WT1: variants seen among roughly 807,000 people sequenced by gnomAD.
The protein encoded by WT1 is WT1 transcription factor.
WT1 carries 8 observed loss-of-function variants against 60.8 expected under a neutral mutation model. The observed-to-expected ratio is 0.13, with a 90% confidence interval of 0.08 to 0.24. The LOEUF (loss-of-function observed/expected upper bound fraction) is 0.24, where lower values mean the gene tolerates loss of function less well. WT1 is among the 10% of genes least tolerant of loss of function. The pLI, the probability that WT1 is intolerant of heterozygous loss-of-function variation, is 1.00. For missense variants in WT1, 568 were observed against 711.8 expected (o/e 0.80, Z 2.30); for synonymous variants, 312 against 297.1 (o/e 1.05, Z -0.52).
At chr11:32,430,416 G>A (rs1056864677) in intron 1 of WT1, 2 of 1,382,338 alleles carry the variant, frequency 1.4e-6, no homozygotes, top group Non-Finnish European at 2.0e-6. Context: ...GAGAGAGAGA[G>A]AAAGAGAGAC....
chr11:32,409,032 G>T (rs1164798764), intron 5 of WT1, among the ~76,000 whole-genome samples: 7 of 152,088 alleles, frequency 4.6e-5, no homozygotes, highest in Admixed American at 2.0e-4. Flanking sequence ...CAATTTCCCT[G>T]TAGCCACAGT....
At chr11:32,405,334 A>G (rs796422317) in intron 5 of WT1, among the ~76,000 whole-genome samples, 10 of 152,280 alleles carry the variant, frequency 6.6e-5, no homozygotes, top group African/African-American at 1.9e-4. Flanking sequence ...CACCTGAGTT[A>G]TAAGTTCTTG....
At chr11:32,413,258 C>A (rs1259450821) in intron 5 of WT1, among the ~76,000 whole-genome samples, 5 of 152,242 alleles carry the variant, frequency 3.3e-5, no homozygotes, top group Non-Finnish European at 7.4e-5. Context: ...AATAGATCAA[C>A]CTTGTCACAT....
chr11:32,419,892 C>A (rs1852799378), intron 3 of WT1, among the ~76,000 whole-genome samples: 1 of 152,138 alleles, frequency 6.6e-6, no homozygotes, highest in African/African-American at 2.4e-5. Context: ...TGGGGTTTCA[C>A]CATGTTGGTC....
At position 32,393,004 on chromosome 11, in the gene WT1, G is replaced by A. The variant is rs113403661; in HGVS notation, c.1265-249C>T. On this transcript the variant is annotated intron_variant, in intron 7 of 9. Transcript: ENST00000452863. ...AAAAAAAAAGCCCTGGGTGAGGTGT[G>A]GTTTCTTTATTGTAAAATGGGTCCA... Among the ~76,000 whole-genome samples the A allele has an allele frequency of 0.018, 2,789 of 151,490 alleles. 59 individuals are homozygous for A. Among genetic ancestry groups the A allele is most frequent in the Middle Eastern group, 0.095 (28 of 294 alleles).
Position 32,399,945 on chromosome 11 carries a change from C to T in WT1, c.1113+3G>A, listed in dbSNP as rs2132956791. 2.5e-6 allele frequency: 4 copies of T among 1,614,164 alleles called. No homozygotes were observed. The highest frequency in any genetic ancestry group is 3.4e-6 in the Non-Finnish European group (4 of 1,180,028). ...TCCCGCTGGGGCCTGTCTGTGTGCT[C>T]ACCTGAATGCCTCTGAAGACACCGT... On this transcript the variant is annotated splice_donor_region_variant and intron_variant, in intron 6 of 9. Coordinates refer to ENST00000452863, the MANE Select transcript of WT1 (RefSeq NM_024426.6).
intron 1 of WT1, among the ~76,000 whole-genome samples, chr11:32,431,043 T>C (rs1184639372): frequency 6.6e-6 from 1 of 151,396 alleles, no homozygotes; most frequent in Non-Finnish European, 1.5e-5. Flanking sequence ...CCACGGTTAG[T>C]CCCGGCCCGG....
intron 3 of WT1, among the ~76,000 whole-genome samples, chr11:32,421,649 T>C (rs1216956275): frequency 2.0e-5 from 3 of 152,114 alleles, no homozygotes; most frequent in Non-Finnish European, 2.9e-5. Flanking sequence ...AAATCAGTAG[T>C]AGATCATATA....
rs1169824759 is a variant in WT1 at position 32,414,429 on chromosome 11, C to A, written c.1016+2061G>T. Among the ~76,000 whole-genome samples the A allele has an allele frequency of 3.9e-5, 6 of 152,196 alleles. No individual in the cohort carries two copies. In the South Asian group the frequency reaches 8.3e-4, roughly 21 times the overall value. ...CTGGGGTTACAGGCATGTGCCACCA[C>A]GTCTGGCTAATTTTTTTGTATTTTT... On this transcript the variant is annotated intron_variant, in intron 5 of 9. Coordinates refer to ENST00000452863, the MANE Select transcript of WT1 (RefSeq NM_024426.6).
At chr11:32,429,758 C>A (rs1431841344) in intron 1 of WT1, among the ~76,000 whole-genome samples, 1 of 152,024 alleles carries the variant, frequency 6.6e-6, no homozygotes, top group Non-Finnish European at 1.5e-5. Flanking sequence ...AGCCTCAGAT[C>A]CTCCTGGCCC....
chr11:32,393,531 A>C (rs2132925678), intron 7 of WT1, among the ~76,000 whole-genome samples: 1 of 152,180 alleles, frequency 6.6e-6, no homozygotes, highest in Non-Finnish European at 1.5e-5. Flanking sequence ...GATGGAAACA[A>C]GCCATTCTAG....
intron 1 of WT1, among the ~76,000 whole-genome samples, chr11:32,431,893 G>A (rs188201629): frequency 5.3e-5 from 8 of 152,226 alleles, no homozygotes; most frequent in Admixed American, 3.3e-4. Flanking sequence ...CCTGGAAAAG[G>A]AGTAGAAACA....
intron 5 of WT1, among the ~76,000 whole-genome samples, chr11:32,406,505 C>G (rs533548141): frequency 6.6e-6 from 1 of 152,242 alleles, no homozygotes; most frequent in African/African-American, 2.4e-5. Context: ...TAACTGGCCA[C>G]AGACCACTAC....
Position 32,434,756 on chromosome 11 carries a change from G to A in WT1, c.605C>T (p.Pro202Leu). The change falls in exon 1 of 10, where the codon CCT (proline) becomes CTT (leucine). Residue 202 changes from proline to leucine, a missense_variant. Physicochemically the swap from Pro to Leu is moderately conservative, Grantham distance 98. Around this residue, in one of 3 missense-constraint regions of WT1, gnomAD observed 523 missense variants for 565.1 expected, o/e 0.93. Coordinates refer to ENST00000452863, the MANE Select transcript of WT1 (RefSeq NM_024426.6). ...GCAGCTGGGCAGGTAGGGCGCGTTA[G>A]GAAACATCCTGGCCTGGCCGGATGA... 6.2e-7 allele frequency: 1 copy of A among 1,612,940 alleles called. No individual in the cohort carries two copies. The highest frequency in any genetic ancestry group is 8.5e-7 in the Non-Finnish European group (1 of 1,179,924).
At chr11:32,402,843 C>G (rs5030240) in intron 5 of WT1, among the ~76,000 whole-genome samples, 41,867 of 152,158 alleles carry the variant, frequency 0.28, 6,497 homozygotes, top group East Asian at 0.68. Context: ...GAGCCACTGC[C>G]CCTGGCCTAC....
chr11:32,416,526 C>T lies in WT1; in HGVS notation c.980G>A (p.Ser327Asn), dbSNP rs1308955642. 2.5e-6 allele frequency: 4 copies of T among 1,613,970 alleles called. No individual in the cohort carries two copies. Among genetic ancestry groups the T allele is most frequent in the East Asian group, 2.2e-5 (1 of 44,890 alleles). The change falls in exon 5 of 10, where the codon AGC becomes AAC. Residue 327 changes from serine to asparagine, a missense_variant. By Grantham distance (46) the Ser-to-Asn change is conservative (BLOSUM62 1). Around this residue, in one of 3 missense-constraint regions of WT1, gnomAD observed 523 missense variants for 565.1 expected, o/e 0.93. Coordinates refer to ENST00000452863, the MANE Select transcript of WT1 (RefSeq NM_024426.6). ...TTCTGTCCATTTCACTGAGCTGGAGCTCCCAGCAGCAACTCTAGAAAAGAA... is the reference window on the plus strand; with the variant it reads ...TTCTGTCCATTTCACTGAGCTGGAGTTCCCAGCAGCAACTCTAGAAAAGAA...
chr11:32,415,826 A>T lies in WT1; in HGVS notation c.1016+664T>A, dbSNP rs192765699. Among the ~76,000 whole-genome samples, 347 of 151,898 alleles carry T rather than the reference A, an allele frequency of 2.3e-3. 1 individual carries two copies. The highest frequency in any genetic ancestry group is 8.2e-3 in the African/African-American group (338 of 41,440). On this transcript the variant is annotated intron_variant, in intron 5 of 9. Coordinates refer to ENST00000452863, the MANE Select transcript of WT1 (RefSeq NM_024426.6). ...ATTTGGGGGCGGGGGTGAGGTGAAG[A>T]ACCTAACAGTAAGTCTTGGAAGATG...
At chr11:32,390,409 T>C (rs1374887012) in intron 9 of WT1, among the ~76,000 whole-genome samples, 1 of 152,146 alleles carries the variant, frequency 6.6e-6, no homozygotes, top group Non-Finnish European at 1.5e-5. Flanking sequence ...AAAGGGACTA[T>C]AACACTTTGC....
intron 3 of WT1, among the ~76,000 whole-genome samples, chr11:32,419,207 C>T (rs1852776574): frequency 6.6e-6 from 1 of 152,178 alleles, no homozygotes; most frequent in African/African-American, 2.4e-5. Flanking sequence ...ATTAGAAGTG[C>T]CAGCCTGCAG....
Sources: gnomAD v4.1 joint callset for allele counts (sites outside exome capture counted in the v4.1 genomes callset) on GRCh38, gnomAD v4.1.1 for gene constraint, gnomAD v4.1.1 regional missense constraint, MANE v1.5 for transcripts, NCBI Gene and HGNC (gene_info 2026-07-23, HGNC 2026-07-21) for gene names.